The following KIF15 variants were observed in gnomAD, a reference collection of about 807,000 sequenced individuals.
KIF15 encodes kinesin family member 15.
KIF15 carries 140 observed loss-of-function variants against 190.6 expected under a neutral mutation model. The observed-to-expected ratio is 0.73, with a 90% CI of 0.64 to 0.84. The LOEUF (loss-of-function observed/expected upper bound fraction) is 0.84. KIF15 is among the 40% of genes least tolerant of loss of function. The pLI is 0.00. For synonymous variants in KIF15, 528 were observed against 551.3 expected (o/e 0.96, Z 0.59); for missense variants, 1,372 against 1,584.4 (o/e 0.87, Z 2.28).
intron 2 of KIF15, 21 bp from the exon 3 acceptor site, chr3:44,775,233 C>T (rs1705817776): frequency 1.9e-6 from 3 of 1,598,716 alleles, no homozygotes; most frequent in African/African-American, 1.3e-5. Context: ...TGAACTGTTA[C>T]TTTCTTTTTT....
At chr3:44,807,287 C>T (rs915985203) in intron 16 of KIF15, among the ~76,000 whole-genome samples, 10 of 151,358 alleles carry the variant, frequency 6.6e-5, no homozygotes, top group South Asian at 2.1e-4. Context: ...TGCAGTGGCA[C>T]GATCTTGGCT....
At chr3:44,806,610 T>A (rs1032866004) in intron 16 of KIF15, among the ~76,000 whole-genome samples, 27 of 152,176 alleles carry the variant, frequency 1.8e-4, no homozygotes, top group African/African-American at 6.5e-4. Context: ...TGTATCCAAT[T>A]TTTTGAAGGT....
chr3:44,806,113 C>A, intron 16 of KIF15, 127 bp downstream of exon 16: 3 of 1,013,534 alleles, frequency 3.0e-6, no homozygotes, highest in Non-Finnish European at 4.3e-6. Flanking sequence ...ACACCGGTGT[C>A]ACACTGGTCT....
intron 5 of KIF15, among the ~76,000 whole-genome samples, chr3:44,783,092 G>T (rs1390885281): frequency 1.3e-5 from 2 of 152,212 alleles, no homozygotes. Flanking sequence ...AGGAGATACT[G>T]CAGTGGGTTA....
intron 20 of KIF15, among the ~76,000 whole-genome samples, chr3:44,817,721 C>T (rs1250886430): frequency 4.6e-5 from 7 of 152,098 alleles, no homozygotes; most frequent in African/African-American, 9.7e-5. Flanking sequence ...CTTGGCAATG[C>T]GGGCTCTTTT....
At chr3:44,773,196 GA>G (rs954364433) in intron 1 of KIF15, among the ~76,000 whole-genome samples, 6 of 149,922 alleles carry the variant, frequency 4.0e-5, no homozygotes, top group Middle Eastern at 3.4e-3. Context: ...GTGGAAAAAA[GA>G]AAAAAAAACT....
chr3:44,865,217 G>C (rs550636631), intron 6 of KIF15: 2 of 1,613,172 alleles, frequency 1.2e-6, no homozygotes, highest in South Asian at 2.2e-5. Flanking sequence ...GAAAGATCAT[G>C]ATGGTGGCCC....
Position 44,814,987 on chromosome 3 carries a change from A to C in KIF15, c.2460A>C (p.Glu820Asp), listed in dbSNP as rs756019361. ...ADKELSSVKL[E>D]YSSFKTNQEK... Reference sequence around the variant, plus strand: ...AGGAGCTTTCTTCAGTGAAATTGGAATATAGTTCATTCAAAACGAATCAGG... The same window carrying C: ...AGGAGCTTTCTTCAGTGAAATTGGACTATAGTTCATTCAAAACGAATCAGG... The change falls in exon 20 of 35, where the codon GAA (glutamate) becomes GAC (aspartate). Residue 820 changes from glutamate to aspartate, a missense_variant. Physicochemically the swap from Glu to Asp is conservative, Grantham distance 45. Transcript: ENST00000326047. 1 of 1,613,542 alleles carries C rather than the reference A, an allele frequency of 6.2e-7. No individual in the cohort carries two copies. The highest frequency in any genetic ancestry group is 2.2e-5 in the East Asian group (1 of 44,854).
intron 26 of KIF15, among the ~76,000 whole-genome samples, chr3:44,834,542 A>G (rs905090241): frequency 1.4e-4 from 22 of 152,226 alleles, no homozygotes; most frequent in African/African-American, 5.3e-4. Context: ...AAAAGTGTTA[A>G]AACGTTAGGA....
intron 7 of KIF15, among the ~76,000 whole-genome samples, chr3:44,791,268 T>A (rs987628014): frequency 6.6e-6 from 1 of 152,220 alleles, no homozygotes; most frequent in Non-Finnish European, 1.5e-5. Context: ...GTGAATTGAC[T>A]GTACACATAT....
At chr3:44,866,413 C>T (rs1699323165) in intron 6 of KIF15, among the ~76,000 whole-genome samples, 1 of 152,094 alleles carries the variant, frequency 6.6e-6, no homozygotes, top group African/African-American at 2.4e-5. Context: ...AATGTAATTC[C>T]TAGTTCAAAG....
rs1052988625 is a variant in KIF15 at position 44,781,030 on chromosome 3, G to C, written c.361+108G>C. On this transcript the variant is annotated intron_variant, in intron 5 of 34. Coordinates refer to ENST00000326047, the MANE Select transcript of KIF15 (RefSeq NM_020242.3). Reference sequence around the variant, plus strand: ...TTTCTATATATGATGTTGATCTCTTGAAATTAGGGAAATTCCCTAGGCTTC... The same window carrying C: ...TTTCTATATATGATGTTGATCTCTTCAAATTAGGGAAATTCCCTAGGCTTC... 49 of 773,766 alleles carry C rather than the reference G, an allele frequency of 6.3e-5. 2 individuals carry two copies. The South Asian group carries it at 8.9e-4, about 14-fold the overall frequency. The allele number at this position is 773,766 out of a possible 1,614,324, so 47.9% of individuals were successfully genotyped here.
intron 1 of KIF15, among the ~76,000 whole-genome samples, chr3:44,770,231 G>C (rs1451371515): frequency 6.6e-6 from 1 of 152,226 alleles, no homozygotes; most frequent in Non-Finnish European, 1.5e-5. Context: ...TGATAGGACT[G>C]AGTTGTTTGC....
At chr3:44,774,561 A>G in intron 2 of KIF15, 124 bp downstream of exon 2, 1 of 792,942 alleles carries the variant, frequency 1.3e-6, no homozygotes. Flanking sequence ...ACCAGCTGGA[A>G]ATGTGGGAAA....
At chr3:44,794,695 C>G (rs1289011329) in intron 8 of KIF15, among the ~76,000 whole-genome samples, 1 of 152,160 alleles carries the variant, frequency 6.6e-6, no homozygotes, top group Non-Finnish European at 1.5e-5. Flanking sequence ...GGCGCGGTGG[C>G]TCACACCTGT....
chr3:44,861,911 T>A (rs1384587197), intron 6 of KIF15: 1 of 1,483,334 alleles, frequency 6.7e-7, no homozygotes, highest in Non-Finnish European at 8.9e-7. Flanking sequence ...CCAGGCACGG[T>A]GTCAGCAGGC....
At chr3:44,833,113 A>T (rs1356816952) in intron 26 of KIF15, among the ~76,000 whole-genome samples, 2 of 151,916 alleles carry the variant, frequency 1.3e-5, no homozygotes, top group African/African-American at 4.8e-5. Flanking sequence ...CAGGCTACGG[A>T]GTTGGAATTC....
intron 3 of KIF15, among the ~76,000 whole-genome samples, chr3:44,776,801 T>C (rs761249437): frequency 4.6e-5 from 7 of 152,222 alleles, no homozygotes; most frequent in Non-Finnish European, 7.3e-5. Flanking sequence ...AATGTGACTA[T>C]ATGAGTTTAA....
intron 10 of KIF15, among the ~76,000 whole-genome samples, chr3:44,798,376 A>G (rs1428273162): frequency 7.0e-6 from 1 of 143,226 alleles, no homozygotes; most frequent in Admixed American, 6.9e-5. Context: ...TTATTTATTT[A>G]TTTTTTTGAG....
Sources: gnomAD v4.1 joint callset for allele counts (sites outside exome capture counted in the v4.1 genomes callset) on GRCh38, gnomAD v4.1.1 for gene constraint, MANE v1.5 for transcripts, NCBI Gene and HGNC (gene_info 2026-07-23, HGNC 2026-07-21) for gene names.